The following ACOT9 variants were observed in gnomAD, a reference collection of about 807,000 sequenced individuals.
ACOT9 encodes acyl-CoA thioesterase 9.
Under a neutral mutation model 39.7 loss-of-function variants are expected in ACOT9, and 34 were observed. The ratio of observed to expected loss-of-function variants is 0.86; its 90% CI spans 0.65 to 1.14. The LOEUF (loss-of-function observed/expected upper bound fraction) is 1.14, where lower values mean the gene tolerates loss of function less well. Ranked by LOEUF, ACOT9 falls within the 50% of genes most tolerant of loss-of-function variation. ACOT9 has a pLI of 0.00. For missense variants in ACOT9, 313 were observed against 344.1 expected, an observed-to-expected ratio of 0.91 and a Z score of 0.71; for synonymous variants, 110 against 120.5, an observed-to-expected ratio of 0.91 and a Z score of 0.57.
chrX:23,712,646 A>G (rs996654508), intron 9 of ACOT9, among the ~76,000 whole-genome samples: 3 of 111,425 alleles, frequency 2.7e-5, no homozygotes, highest in African/African-American at 9.8e-5. Context: ...TTTGAGATGG[A>G]GTCTCGCTCT....
rs548540102 is a variant in ACOT9, at chrX:23,730,521, C to G, written c.400+6G>C. 5.0e-6 allele frequency: 6 copies of G among 1,196,475 alleles called. No homozygotes were observed. The highest frequency in any genetic ancestry group is 5.7e-6 in the Non-Finnish European group (5 of 883,471). The stretch of plus-strand genomic sequence containing the variant: ...TCTATTAGAAAGACTAAAATAATAC[C>G]AGTACCTCCCAAGCTGTCAAGATCC... On this transcript the variant is annotated splice_donor_region_variant and intron_variant, in intron 6 of 15. Transcript: ENST00000379303.
At chrX:23,730,789 A>T in intron 5 of ACOT9, 27 bp downstream of exon 5, 1 of 1,155,541 alleles carries the variant, frequency 8.7e-7, no homozygotes, top group Non-Finnish European at 1.2e-6. Flanking sequence ...AAATAAAAAC[A>T]AATACATAAA....
intron 11 of ACOT9, 56 bp from the exon 12 acceptor site, chrX:23,705,914 A>G: frequency 9.9e-7 from 1 of 1,008,185 alleles, no homozygotes; most frequent in Non-Finnish European, 1.4e-6. Flanking sequence ...CTTGTTGAAA[A>G]GTAAAAACAT....
chrX:23,704,394 A>G (rs1601801453), intron 15 of ACOT9, among the ~76,000 whole-genome samples: 1 of 93,736 alleles, frequency 1.1e-5, no homozygotes, highest in Admixed American at 1.3e-4. Flanking sequence ...GTTAGCCAGG[A>G]TGGTCTCGAT....
At chrX:23,704,669 G>A in intron 15 of ACOT9, 25 bp downstream of exon 15, 1 of 1,200,821 alleles carries the variant, frequency 8.3e-7, no homozygotes, top group Non-Finnish European at 1.1e-6. Context: ...CCCTTTGTTA[G>A]GGACAAGCAA....
chrX:23,728,594 C>T (rs920097372), intron 6 of ACOT9, among the ~76,000 whole-genome samples: 4 of 111,659 alleles, frequency 3.6e-5, no homozygotes, highest in Admixed American at 1.9e-4. Flanking sequence ...TTCATACATA[C>T]ATCTGTACAA....
rs758008046 is a variant in ACOT9, at chrX:23,717,178, C to T, written c.589-3970G>A. 8.2e-5 allele frequency among the ~76,000 whole-genome samples: 9 copies of T among 109,998 alleles called. 1 individual carries two copies. The highest frequency in any genetic ancestry group is 9.3e-3 in the Middle Eastern group (2 of 215). On this transcript the variant is annotated intron_variant, in intron 8 of 15. Transcript: ENST00000379303. ...CAGTTTTTTGTACTTTTTGTAGAGACGGGGTTTCACCATGTTGCTCAGGCT... is the reference window on the plus strand; with the variant it reads ...CAGTTTTTTGTACTTTTTGTAGAGATGGGGTTTCACCATGTTGCTCAGGCT...
intron 6 of ACOT9, among the ~76,000 whole-genome samples, chrX:23,725,470 CA>C (rs34682904): frequency 6.9e-4 from 34 of 48,948 alleles, no homozygotes; most frequent in South Asian, 3.0e-3. Context: ...GACTCTGTCT[CA>C]AAAAAAAAAA....
intron 10 of ACOT9, among the ~76,000 whole-genome samples, chrX:23,707,561 AC>A (rs1190405798): frequency 1.8e-5 from 2 of 110,368 alleles, no homozygotes; most frequent in Non-Finnish European, 3.8e-5. Flanking sequence ...AAATGGTGAA[AC>A]CCCATCTCTA....
chrX:23,732,535 G>T (rs74975486), intron 4 of ACOT9, among the ~76,000 whole-genome samples: 8,203 of 111,556 alleles, frequency 0.074, 394 homozygotes, highest in Admixed American at 0.23. Context: ...TTTTAGTAAA[G>T]TGAAATTTTT....
In ACOT9 at chrX:23,705,723, T is replaced by A. The variant is rs776289473; in HGVS notation, c.933+45A>T. The A allele has an allele frequency of 1.9e-5, 22 of 1,150,003 alleles. No individual in the cohort carries two copies. The Admixed American group carries it at 2.0e-4, about 10-fold the overall frequency. The allele number at this position is 1,150,003 out of a possible 1,213,427, so 94.8% of individuals were successfully genotyped here. Reference sequence around the variant, plus strand: ...TGTGTCAAATCTTGGACAAATATCATGAACGGAAGCTATCCTATTCGGATT... The same window carrying A: ...TGTGTCAAATCTTGGACAAATATCAAGAACGGAAGCTATCCTATTCGGATT... On this transcript the variant is annotated intron_variant, in intron 12 of 15. Coordinates refer to ENST00000379303, the MANE Select transcript of ACOT9 (RefSeq NM_001037171.2).
intron 6 of ACOT9, among the ~76,000 whole-genome samples, chrX:23,728,408 G>A (rs917891218): frequency 2.7e-5 from 3 of 110,628 alleles, no homozygotes; most frequent in African/African-American, 9.9e-5. Context: ...TGATGCATGA[G>A]GGGTGGCAGC....
At chrX:23,738,349 C>T (rs1052432949) in intron 1 of ACOT9, among the ~76,000 whole-genome samples, 9 of 109,262 alleles carry the variant, frequency 8.2e-5, no homozygotes, top group Admixed American at 4.9e-4. Context: ...TGGCTCATGC[C>T]TGTAATCCTA....
intron 15 of ACOT9, 27 bp downstream of exon 15, chrX:23,704,667 T>C (rs1265621267): frequency 1.7e-6 from 2 of 1,198,313 alleles, no homozygotes; most frequent in Non-Finnish European, 1.1e-6. Flanking sequence ...TTCCCTTTGT[T>C]AGGGACAAGC....
At chrX:23,723,520 T>C (rs1441439673) in intron 6 of ACOT9, among the ~76,000 whole-genome samples, 2 of 102,740 alleles carry the variant, frequency 1.9e-5, no homozygotes. Context: ...GGAGAATCAA[T>C]TGAACCCAGG....
intron 7 of ACOT9, 149 bp from the exon 8 acceptor site, chrX:23,722,133 A>C (rs1384857620): frequency 2.5e-6 from 1 of 402,388 alleles, no homozygotes; most frequent in Non-Finnish European, 4.2e-6. Flanking sequence ...GAAGAAATCT[A>C]CATGTGTTTT....
intron 7 of ACOT9, 43 bp from the exon 8 acceptor site, chrX:23,722,027 T>A (rs1423290586): frequency 1.0e-6 from 1 of 962,064 alleles, no homozygotes; most frequent in Non-Finnish European, 1.4e-6. Flanking sequence ...ATACCAAAAA[T>A]TTTCTGTTCT....
At chrX:23,721,697 G>A (rs545489086) in intron 8 of ACOT9, among the ~76,000 whole-genome samples, 184 bp downstream of exon 8, 15 of 112,156 alleles carry the variant, frequency 1.3e-4, no homozygotes, top group Admixed American at 9.5e-4. Flanking sequence ...CAAATAGTAC[G>A]TCAGGCTTTG....
intron 8 of ACOT9, among the ~76,000 whole-genome samples, chrX:23,715,106 A>G (rs1929032518): frequency 9.0e-6 from 1 of 111,019 alleles, no homozygotes; most frequent in South Asian, 3.8e-4. Flanking sequence ...CCTCTGCCCT[A>G]TTCAAACCTT....
Sources: gnomAD v4.1 joint callset for allele counts (sites outside exome capture counted in the v4.1 genomes callset) on GRCh38, gnomAD v4.1.1 for gene constraint, MANE v1.5 for transcripts, NCBI Gene and HGNC (gene_info 2026-07-23, HGNC 2026-07-21) for gene names.